The following NLRP7 variants were observed in gnomAD, a reference collection of about 807,000 sequenced individuals.
NLRP7 encodes NACHT, LRR and PYD domains-containing protein 7.
In NLRP7, 72 loss-of-function variants were observed where a neutral mutation model predicts 85.5. The ratio of observed to expected loss-of-function variants is 0.84; its 90% CI spans 0.70 to 1.02. The LOEUF is 1.02. Ranked by LOEUF, NLRP7 falls within the 50% of genes least tolerant of loss-of-function variation. The pLI is 0.00. For synonymous variants in NLRP7, 550 were observed against 505.2 expected (o/e 1.09, Z -1.19); for missense variants, 1,243 against 1,219.5 (o/e 1.02, Z -0.29).
rs1268111993 is a variant in NLRP7, at chr19:54,940,291, C to T, written c.528G>A (p.Leu176=). The change falls in exon 4 of 10, where the codon CTG becomes CTA. Residue 176 remains leucine (L), a synonymous_variant. Transcript: ENST00000340844. ...TTTTCCCCACGCCTGCGGGGCCGTG[C>T]AGCACCACCGTGTAAGGTGTTAGCT... is the stretch of plus-strand genomic sequence containing the variant. 2.5e-6 allele frequency: 4 copies of T among 1,614,210 alleles called. No individual in the cohort carries two copies. In the East Asian group the frequency reaches 8.9e-5, roughly 36 times the overall value.
intron 1 of NLRP7, among the ~76,000 whole-genome samples, chr19:54,956,345 G>A (rs936732332): frequency 6.6e-6 from 1 of 152,128 alleles, no homozygotes; most frequent in African/African-American, 2.4e-5. Context: ...CTGGTTGTTG[G>A]TGGGGAGAAA....
In NLRP7 at chr19:54,934,739, T is replaced by A; in HGVS notation, c.2301-80A>T. The A allele has an allele frequency of 3.4e-6, 4 of 1,184,146 alleles. No individual in the cohort carries two copies. The highest frequency in any genetic ancestry group is 2.6e-5 in the East Asian group (1 of 39,124). 73.4% of individuals were successfully genotyped at this position (1,184,146 alleles called of 1,614,324 possible). On this transcript the variant is annotated intron_variant, in intron 6 of 9. Transcript: ENST00000340844. This position sits in a 1 kb window ranked among gnomAD's most constrained non-coding sequence, Gnocchi z 6.7. Reference sequence around the variant, plus strand: ...AGCTTTTTTTTTTTGAGACAGAGTTTCACTCTGTTGCCCAGTCTGGAATGC... The same window carrying A: ...AGCTTTTTTTTTTTGAGACAGAGTTACACTCTGTTGCCCAGTCTGGAATGC...
At chr19:54,941,028 C>A in intron 2 of NLRP7, 23 bp from the exon 3 acceptor site, 1 of 1,503,810 alleles carries the variant, frequency 6.6e-7, no homozygotes. Flanking sequence ...TAGATGTAAG[C>A]CTGACACAGT....
chr19:54,964,328 T>C, intron 1 of NLRP7, among the ~76,000 whole-genome samples: 1 of 145,394 alleles, frequency 6.9e-6, no homozygotes. Context: ...GCCATTCTCC[T>C]GCCTCAGCCT....
chr19:54,939,427 G>C lies in NLRP7; in HGVS notation c.1392C>G (p.Tyr464Ter), dbSNP rs2069103963. The C allele has an allele frequency of 6.2e-7, 1 of 1,614,136 alleles. No homozygotes were observed. Among genetic ancestry groups the C allele is most frequent in the Non-Finnish European group, 8.5e-7 (1 of 1,180,030 alleles). The stretch of plus-strand genomic sequence containing the variant: ...GCTGGAAGCTGAGGTGGATGAAGGA[G>C]TAGCAGCCTTTGGAGACTCTGTCCT... Residue 464 changes from tyrosine to a stop codon, truncating the protein, a stop_gained, in exon 4 of 10, where the codon TAC (tyrosine) becomes TAG (stop). Coordinates refer to ENST00000340844, the Ensembl canonical transcript of NLRP7. LOFTEE classifies it high-confidence loss of function.
At position 54,934,910 on chromosome 19, in the gene NLRP7, T is replaced by A. The variant is rs2068841783; in HGVS notation, c.2301-251A>T. Among the ~76,000 whole-genome samples, 1 of 152,132 alleles carries A rather than the reference T, an allele frequency of 6.6e-6. No individual in the cohort carries two copies. The highest frequency in any genetic ancestry group is 2.4e-5 in the African/African-American group (1 of 41,452). The stretch of plus-strand genomic sequence containing the variant: ...CGGGATTTCACCATGTTGGCCACAC[T>A]GGTCTTGAACTCCTGACCTCAGGTG... On this transcript the variant is annotated intron_variant, in intron 6 of 9. Coordinates refer to ENST00000340844, the Ensembl canonical transcript of NLRP7. This position sits in a 1 kb window ranked among gnomAD's most constrained non-coding sequence, Gnocchi z 6.7.
chr19:54,953,782 C>G (rs914547028), intron 1 of NLRP7, among the ~76,000 whole-genome samples: 4 of 151,470 alleles, frequency 2.6e-5, no homozygotes, highest in African/African-American at 9.7e-5. Flanking sequence ...GCGGGTGGAT[C>G]ACACGGTCAG....
At position 54,938,222 on chromosome 19, in the gene NLRP7, G is replaced by A. The variant is rs104895549; in HGVS notation, c.1951C>T (p.Pro651Ser). The A allele has an allele frequency of 6.2e-7, 1 of 1,614,096 alleles. No homozygotes were observed. The stretch of plus-strand genomic sequence containing the variant: ...CGAAGATCCTGCCGAGCCCAGTTCG[G>A]AATGGTTAGGTAAGTGCACCTGCAG... The change falls in exon 5 of 10, where the codon CCG becomes TCG. Residue 651 changes from proline to serine, a missense_variant. Physicochemically the swap from Pro to Ser is moderately conservative, Grantham distance 74 (BLOSUM62 -1). Coordinates refer to ENST00000340844, the Ensembl canonical transcript of NLRP7.
intron 1 of NLRP7, among the ~76,000 whole-genome samples, chr19:54,954,245 C>T (rs1018208785): frequency 6.8e-6 from 1 of 147,540 alleles, no homozygotes; most frequent in African/African-American, 2.5e-5. Flanking sequence ...AATGGGCAAC[C>T]GGCCGGGCGC....
chr19:54,936,231 GC>G (rs765856284), intron 6 of NLRP7, 29 bp downstream of exon 6: 2 of 1,603,142 alleles, frequency 1.2e-6, no homozygotes, highest in African/African-American at 2.7e-5. Flanking sequence ...GACTCCAGGT[GC>G]TGGGGAGAGC....
At chr19:54,945,116 G>T (rs1221180211) in intron 1 of NLRP7, among the ~76,000 whole-genome samples, 1 of 151,112 alleles carries the variant, frequency 6.6e-6, no homozygotes, top group East Asian at 2.0e-4. Flanking sequence ...GGTGGCGGGC[G>T]CCTGTAGTCC....
At chr19:54,950,381 G>C (rs925911627), upstream of NLRP7, among the ~76,000 whole-genome samples, 10 of 152,186 alleles carry the variant, frequency 6.6e-5, no homozygotes, top group Admixed American at 1.3e-4. Context: ...TATAGAGAAA[G>C]AAATAAGGGG....
At position 54,956,158 on chromosome 19, in the gene NLRP7, AGG is replaced by A. The variant is rs1289267301; in HGVS notation, c.-76-8655_-76-8654del. On this transcript the variant is annotated intron_variant, in intron 1 of 2. Transcript: ENST00000587103. ...AAGGAAGGAAGGAGGGAAGGAGGGA[AGG>A]AGGGAAGGGAAGGAGGGAAAGGAAG... Among the ~76,000 whole-genome samples the A allele has an allele frequency of 2.8e-3, 430 of 151,470 alleles. 5 individuals are homozygous for A. The highest frequency in any genetic ancestry group is 9.9e-3 in the African/African-American group (409 of 41,294).
At chr19:54,953,566 C>G (rs186969866) in intron 1 of NLRP7, among the ~76,000 whole-genome samples, 1 of 151,804 alleles carries the variant, frequency 6.6e-6, no homozygotes, top group Non-Finnish European at 1.5e-5. Flanking sequence ...GCGGGGCTGT[C>G]TGCTTGTGGA....
At chr19:54,954,343 G>C (rs929555407) in intron 1 of NLRP7, among the ~76,000 whole-genome samples, 3 of 144,302 alleles carry the variant, frequency 2.1e-5, no homozygotes, top group African/African-American at 7.7e-5. Context: ...TGGCTAACAC[G>C]GTGAAATCCC....
intron 8 of NLRP7, among the ~76,000 whole-genome samples, chr19:54,931,631 T>C (rs2068681055): frequency 6.7e-6 from 1 of 149,330 alleles, no homozygotes; most frequent in Admixed American, 6.8e-5. Context: ...GAGGTTGTGG[T>C]GAGCAGAGAT....
At chr19:54,946,883 A>G (rs1453036336) in intron 1 of NLRP7, among the ~76,000 whole-genome samples, 1 of 151,774 alleles carries the variant, frequency 6.6e-6, no homozygotes, top group African/African-American at 2.4e-5. Flanking sequence ...CAAGTGATCC[A>G]CCCGCCTCGG....
At chr19:54,953,666 G>T in intron 1 of NLRP7, among the ~76,000 whole-genome samples, 1 of 151,658 alleles carries the variant, frequency 6.6e-6, no homozygotes. Flanking sequence ...GTGGAAATTG[G>T]GCATAAGACA....
chr19:54,952,823 G>T (rs1352671614), intron 1 of NLRP7, among the ~76,000 whole-genome samples: 1 of 151,940 alleles, frequency 6.6e-6, no homozygotes, highest in Non-Finnish European at 1.5e-5. Context: ...GAGACCTACC[G>T]GGCTGCATTC....
Sources: allele counts gnomAD v4.1 joint callset (sites outside exome capture counted in the v4.1 genomes callset), GRCh38; gene constraint gnomAD v4.1.1; non-coding constraint Gnocchi (gnomAD v3.1); transcripts MANE v1.5; gene names NCBI Gene and HGNC (gene_info 2026-07-23, HGNC 2026-07-21).